The following CR2 variants were observed in gnomAD, a reference collection of about 807,000 sequenced individuals.
CR2 encodes complement C3d receptor 2.
In CR2, 96 loss-of-function variants were observed where a neutral mutation model predicts 123.0. The ratio of observed to expected loss-of-function variants is 0.78; its 90% CI spans 0.66 to 0.93. CR2 has a LOEUF of 0.93. Ranked by LOEUF, CR2 falls within the 40% of genes least tolerant of loss-of-function variation. The probability of loss-of-function intolerance (pLI) is 0.00; values close to 1 mark genes in which losing one functional copy is unlikely to be tolerated. For synonymous variants in CR2, 484 were observed against 469.5 expected, an observed-to-expected ratio of 1.03 and a Z score of -0.40; for missense variants, 1,258 against 1,361.0, an observed-to-expected ratio of 0.92 and a Z score of 1.19.
At chr1:207,473,431 C>T (rs965947226) in intron 10 of CR2, 114 bp from the exon 11 acceptor site, 24 of 1,233,304 alleles carry the variant, frequency 1.9e-5, no homozygotes, top group Admixed American at 1.2e-4. Flanking sequence ...TGAATTTGAG[C>T]TTCATGATCT....
rs374710389 is a variant in CR2, at chr1:207,468,833, A to G, written c.668A>G (p.Asn223Ser). 30 of 1,613,882 alleles carry G rather than the reference A, an allele frequency of 1.9e-5. No homozygotes were observed. Among genetic ancestry groups the G allele is most frequent in the African/African-American group, 2.7e-5 (2 of 74,898 alleles). The change falls in exon 4 of 20, where the codon AAT becomes AGT. Residue 223 changes from asparagine (N) to serine (S), a missense_variant. Transcript: ENST00000367057. ...ARCKSLGRFP[N>S]GKVKEPPILR... ...TGTAAATCTCTAGGACGATTTCCCA[A>G]TGGGAAGGTAAAGGAGCCTCCAATT... is the stretch of plus-strand genomic sequence containing the variant.
intron 9 of CR2, chr1:207,471,728 A>G: frequency 6.4e-6 from 3 of 465,878 alleles, no homozygotes; most frequent in South Asian, 2.0e-5. Flanking sequence ...GTTTACGATT[A>G]TGGGAATAAT....
intron 1 of CR2, among the ~76,000 whole-genome samples, chr1:207,458,278 T>C (rs1572945186): frequency 7.1e-5 from 1 of 14,124 alleles, no homozygotes; most frequent in East Asian, 0.017. Context: ...CCAAGCTTCA[T>C]TTTTTTTTTT....
chr1:207,479,024 A>C (rs1246353730), intron 16 of CR2, among the ~76,000 whole-genome samples: 1 of 152,060 alleles, frequency 6.6e-6, no homozygotes, highest in African/African-American at 2.4e-5. Flanking sequence ...AGGTCTCACT[A>C]TGTTGCCCAG....
intron 18 of CR2, among the ~76,000 whole-genome samples, chr1:207,481,392 T>G (rs1658598380): frequency 6.6e-6 from 1 of 152,066 alleles, no homozygotes; most frequent in Non-Finnish European, 1.5e-5. Flanking sequence ...CAAGATAGAT[T>G]ATATTCCACT....
chr1:207,469,116 C>T, intron 4 of CR2, 34 bp from the exon 5 acceptor site: 2 of 1,583,394 alleles, frequency 1.3e-6, no homozygotes, highest in Non-Finnish European at 1.7e-6. Context: ...CACAAACTGC[C>T]TAATAGTTCT....
At chr1:207,484,291 C>A (rs1291683535) in intron 18 of CR2, among the ~76,000 whole-genome samples, 3 of 152,192 alleles carry the variant, frequency 2.0e-5, no homozygotes, top group Non-Finnish European at 1.5e-5. Flanking sequence ...TGATATGAAG[C>A]AAACATACCT....
chr1:207,459,405 A>T (rs1029056064), intron 1 of CR2, among the ~76,000 whole-genome samples: 1 of 152,088 alleles, frequency 6.6e-6, no homozygotes, highest in Non-Finnish European at 1.5e-5. Flanking sequence ...TCAAATAGGC[A>T]GGAAACCCAG....
intron 1 of CR2, among the ~76,000 whole-genome samples, chr1:207,465,350 A>G (rs1428208109): frequency 2.0e-5 from 3 of 152,214 alleles, no homozygotes; most frequent in Non-Finnish European, 4.4e-5. Flanking sequence ...GGAAATTAAA[A>G]GATGCTTTTT....
At chr1:207,474,797 G>T (rs1366469140) in intron 13 of CR2, 27 bp from the exon 14 acceptor site, 1 of 1,613,546 alleles carries the variant, frequency 6.2e-7, no homozygotes, top group Admixed American at 1.7e-5. Context: ...ACTAGCTGAA[G>T]TAGAACTCCC....
Position 207,477,991 on chromosome 1 carries a change from G to A in CR2, c.3009G>A (p.Gly1003=). ...TTGTAACTCTGGAGTGTGAAGATGG[G>A]TATATGCTGGAAGGCAGTCCCCAGA... The part of the protein sequence containing the change: ...GAVVTLECED[G]YMLEGSPQSQ... The change falls in exon 16 of 20, where the codon GGG becomes GGA. Residue 1003 remains glycine, a synonymous_variant. Transcript: ENST00000367057. The A allele has an allele frequency of 6.2e-7, 1 of 1,613,982 alleles. No individual in the cohort carries two copies. The highest frequency in any genetic ancestry group is 8.5e-7 in the Non-Finnish European group (1 of 1,179,962).
intron 1 of CR2, among the ~76,000 whole-genome samples, chr1:207,461,542 G>A (rs192804951): frequency 1.1e-3 from 171 of 152,242 alleles, no homozygotes; most frequent in South Asian, 7.9e-3. Context: ...TTGGTAACAA[G>A]GCAGAAGCAG....
chr1:207,476,521 A>G, intron 15 of CR2, 102 bp downstream of exon 15: 1 of 1,025,224 alleles, frequency 9.8e-7, no homozygotes, highest in Non-Finnish European at 1.5e-6. Flanking sequence ...GAAATGAATT[A>G]ACTGTCTGAT....
intron 1 of CR2, among the ~76,000 whole-genome samples, chr1:207,455,973 C>A (rs1657824344): frequency 6.6e-6 from 1 of 152,212 alleles, no homozygotes; most frequent in Non-Finnish European, 1.5e-5. Context: ...GTGTAACAAC[C>A]TCATCTCTTT....
At chr1:207,473,292 C>A in intron 10 of CR2, 113 bp downstream of exon 10, 1 of 1,290,250 alleles carries the variant, frequency 7.8e-7, no homozygotes, top group Non-Finnish European at 1.1e-6. Context: ...AGATTACTTT[C>A]TGTTTCTTCC....
intron 1 of CR2, among the ~76,000 whole-genome samples, chr1:207,461,332 G>A (rs931243610): frequency 2.6e-5 from 4 of 152,148 alleles, no homozygotes; most frequent in African/African-American, 9.7e-5. Flanking sequence ...GGGTGAAGGA[G>A]ATGGAACAAT....
At chr1:207,476,761 A>G (rs1658454139) in intron 15 of CR2, among the ~76,000 whole-genome samples, 1 of 152,238 alleles carries the variant, frequency 6.6e-6, no homozygotes, top group Non-Finnish European at 1.5e-5. Context: ...AAAGCACAGC[A>G]ATCTTTTGAG....
rs190000956 is a variant in CR2 at position 207,474,637 on chromosome 1, A to G, written c.2324-187A>G. Among the ~76,000 whole-genome samples, 243 of 152,338 alleles carry G rather than the reference A, an allele frequency of 1.6e-3. 1 individual carries two copies. Among genetic ancestry groups the G allele is most frequent in the Non-Finnish European group, 2.4e-3 (162 of 68,030 alleles). On this transcript the variant is annotated intron_variant, in intron 13 of 19. Transcript: ENST00000367057. Reference sequence around the variant, plus strand: ...TCTATTTTCTGAATTTTTATGGAGTATATAGTACTCCTATAATCACATTTA... The same window carrying G: ...TCTATTTTCTGAATTTTTATGGAGTGTATAGTACTCCTATAATCACATTTA...
chr1:207,464,301 A>C (rs1434785068), intron 1 of CR2, among the ~76,000 whole-genome samples: 1 of 152,228 alleles, frequency 6.6e-6, no homozygotes, highest in Non-Finnish European at 1.5e-5. Context: ...TTGTAGGCTG[A>C]GTTGCAGTTT....
Sources: gnomAD v4.1 joint callset for allele counts (sites outside exome capture counted in the v4.1 genomes callset) on GRCh38, gnomAD v4.1.1 for gene constraint, MANE v1.5 for transcripts, NCBI Gene and HGNC (gene_info 2026-07-23, HGNC 2026-07-21) for gene names.